SLC12A7: variants seen among roughly 807,000 people sequenced by gnomAD.
SLC12A7 encodes K-Cl cotransporter 4.
SLC12A7 carries 100 observed loss-of-function variants against 120.6 expected under a neutral mutation model. The observed-to-expected ratio is 0.83, with a 90% CI of 0.71 to 0.98. The LOEUF is 0.98. Ranked by LOEUF, SLC12A7 falls within the 50% of genes least tolerant of loss-of-function variation. SLC12A7 has a pLI of 0.00. For missense variants in SLC12A7, 1,373 were observed against 1,548.1 expected (o/e 0.89, Z 1.90); for synonymous variants, 760 against 678.0 (o/e 1.12, Z -1.88).
intron 10 of SLC12A7, 49 bp downstream of exon 10, chr5:1,079,349 T>C: frequency 1.4e-6 from 2 of 1,444,380 alleles, no homozygotes; most frequent in Non-Finnish European, 1.9e-6. Context: ...CATGGGGGCC[T>C]CCCCCCAGGC....
chr5:1,076,064 CG>C, intron 14 of SLC12A7, 73 bp downstream of exon 14: 1 of 1,247,540 alleles, frequency 8.0e-7, no homozygotes, highest in Non-Finnish European at 1.1e-6. Flanking sequence ...CTGTGCTGAG[CG>C]GCCTCACCAG....
chr5:1,094,370 C>T lies in SLC12A7; in HGVS notation c.125-122G>A, dbSNP rs1052021493. Reference sequence around the variant, plus strand: ...ACCAGCTGTCACCTCTAAACCATGGCTAAGGGTGATACTTCTCACACACTC... The same window carrying T: ...ACCAGCTGTCACCTCTAAACCATGGTTAAGGGTGATACTTCTCACACACTC... On this transcript the variant is annotated intron_variant, in intron 1 of 23. Transcript: ENST00000264930. 6.9e-6 allele frequency: 5 copies of T among 725,216 alleles called. No individual in the cohort carries two copies. In the African/African-American group the frequency reaches 8.7e-5, roughly 13 times the overall value. 44.9% of individuals were successfully genotyped at this position (725,216 alleles called of 1,614,324 possible). A position where few individuals can be genotyped will look rare whatever the true frequency, so the allele number is the denominator to read the frequency against.
chr5:1,137,776 GA>G, the SLC12A7 span, among the ~76,000 whole-genome samples: 1 of 152,256 alleles, frequency 6.6e-6, no homozygotes, highest in African/African-American at 2.4e-5. Context: ...TGCGTCATCA[GA>G]ACCCTTGGTC....
intron 17 of SLC12A7, among the ~76,000 whole-genome samples, chr5:1,069,123 C>T (rs921813970): frequency 2.0e-5 from 3 of 152,256 alleles, no homozygotes; most frequent in South Asian, 2.1e-4. Context: ...ATGACGCCGC[C>T]GTCAGGGAAA....
chr5:1,110,517 T>TA (rs746907325), intron 1 of SLC12A7, among the ~76,000 whole-genome samples: 2 of 152,190 alleles, frequency 1.3e-5, no homozygotes, highest in East Asian at 3.9e-4. Context: ...AAATGACACT[T>TA]ACAGTCTAAA....
intron 6 of SLC12A7, among the ~76,000 whole-genome samples, chr5:1,085,898 C>A (rs914474723): frequency 6.6e-6 from 1 of 152,260 alleles, no homozygotes; most frequent in Non-Finnish European, 1.5e-5. Context: ...CCCACCCCGG[C>A]TGGACGTCCT....
rs200781780 is a variant in SLC12A7, at chr5:1,079,530, T to C, written c.1298-34A>G. ...ATGGAAAATGCTGCAAAGACCCATC[T>C]GAGGAGTCAGTGCCATGTGATGGCA... On this transcript the variant is annotated intron_variant, in intron 9 of 23. Coordinates refer to ENST00000264930, the MANE Select transcript of SLC12A7 (RefSeq NM_006598.3). 1.5e-5 allele frequency: 24 copies of C among 1,559,118 alleles called. No individual in the cohort carries two copies. In the African/African-American group the frequency reaches 2.8e-4, roughly 18 times the overall value.
chr5:1,119,465 G>A, the SLC12A7 span, among the ~76,000 whole-genome samples: 23 of 152,346 alleles, frequency 1.5e-4, no homozygotes, highest in Non-Finnish European at 2.2e-4. Flanking sequence ...GTGACGCCGA[G>A]GTTACACAAG....
the SLC12A7 span, among the ~76,000 whole-genome samples, chr5:1,148,205 C>CTTTCTT: frequency 9.3e-6 from 1 of 107,638 alleles, no homozygotes; most frequent in South Asian, 3.2e-4. Flanking sequence ...TTCTTTCTTT[C>CTTTCTT]TTTTTTTTTT....
intron 11 of SLC12A7, chr5:1,078,450 T>TC: frequency 1.7e-6 from 1 of 588,618 alleles, no homozygotes; most frequent in East Asian, 2.8e-5. Flanking sequence ...CCCTGTGGCC[T>TC]CCCCAGGAAG....
chr5:1,142,080 G>A, the SLC12A7 span, among the ~76,000 whole-genome samples: 2 of 151,834 alleles, frequency 1.3e-5, no homozygotes, highest in African/African-American at 2.4e-5. Context: ...GTGGCGTCAG[G>A]GTGGCCACTC....
chr5:1,087,264 G>A (rs1357109927), intron 5 of SLC12A7, among the ~76,000 whole-genome samples: 5 of 152,126 alleles, frequency 3.3e-5, no homozygotes, highest in African/African-American at 1.2e-4. Context: ...TGGACATGAG[G>A]ACCAGGTGAG....
rs375919144 is a variant in SLC12A7 at position 1,052,344 on chromosome 5, G to A, written c.*16C>T. The A allele has an allele frequency of 6.2e-6, 10 of 1,607,262 alleles. No individual in the cohort carries two copies. The highest frequency in any genetic ancestry group is 2.7e-5 in the African/African-American group (2 of 74,778). ...TCCTCCGTGCCTGTCCCAGAGTGCC[G>A]TGATGCTGTTGGGCATTAGGAGTAG... On this transcript the variant is annotated 3_prime_UTR_variant, in exon 24 of 24. Coordinates refer to ENST00000264930, the MANE Select transcript of SLC12A7 (RefSeq NM_006598.3).
chr5:1,111,622 C>T (rs1743014844), intron 1 of SLC12A7, among the ~76,000 whole-genome samples: 1 of 152,202 alleles, frequency 6.6e-6, no homozygotes, highest in South Asian at 2.1e-4. Flanking sequence ...GCGGCGTCCA[C>T]ACCTCTGCCC....
chr5:1,091,106 G>A lies in SLC12A7; in HGVS notation c.343-1978C>T, dbSNP rs57559281. The stretch of plus-strand genomic sequence containing the variant: ...CTGGTCCCTCCACGACTGAAACGCA[G>A]GCAGCATCAGCCTGGGGTACCTGCA... On this transcript the variant is annotated intron_variant, in intron 3 of 23. Transcript: ENST00000264930. Among the ~76,000 whole-genome samples, 955 of 152,376 alleles carry A rather than the reference G, an allele frequency of 6.3e-3. 11 individuals are homozygous for A. The highest frequency in any genetic ancestry group is 0.022 in the African/African-American group (898 of 41,590).
chr5:1,089,643 A>G (rs914763438), intron 3 of SLC12A7, among the ~76,000 whole-genome samples: 1 of 151,588 alleles, frequency 6.6e-6, no homozygotes, highest in African/African-American at 2.4e-5. Flanking sequence ...TTAACCGGGC[A>G]CGGAGGTCAC....
In SLC12A7 at chr5:1,068,295, C is replaced by T. The variant is rs542068706; in HGVS notation, c.2242-2817G>A. Among the ~76,000 whole-genome samples the T allele has an allele frequency of 5.3e-5, 8 of 152,228 alleles. No homozygotes were observed. In the East Asian group the frequency reaches 5.8e-4, roughly 11 times the overall value. On this transcript the variant is annotated intron_variant, in intron 17 of 23. Coordinates refer to ENST00000264930, the MANE Select transcript of SLC12A7 (RefSeq NM_006598.3). ...ACTAAAAATACAAAAATGAGCCGGGCGTGGTGGTGGGCACCTGTAATCCCA... is the reference window on the plus strand; with the variant it reads ...ACTAAAAATACAAAAATGAGCCGGGTGTGGTGGTGGGCACCTGTAATCCCA...
rs574788298 is a variant in SLC12A7 at position 1,100,634 on chromosome 5, G to A, written c.125-6386C>T. 1.2e-4 allele frequency among the ~76,000 whole-genome samples: 18 copies of A among 152,338 alleles called. No homozygotes were observed. In the East Asian group the frequency reaches 1.7e-3, roughly 15 times the overall value. On this transcript the variant is annotated intron_variant, in intron 1 of 23. Coordinates refer to ENST00000264930, the MANE Select transcript of SLC12A7 (RefSeq NM_006598.3). ...AGACCGCGCCAAGTGCTGTTGACGC[G>A]TGTGCCCAGACGCCGCATGCAGGGA...
chr5:1,119,466 G>C, the SLC12A7 span, among the ~76,000 whole-genome samples: 2 of 152,228 alleles, frequency 1.3e-5, no homozygotes. Flanking sequence ...TGACGCCGAG[G>C]TTACACAAGC....
Sources: gnomAD v4.1 joint callset for allele counts (sites outside exome capture counted in the v4.1 genomes callset) on GRCh38, gnomAD v4.1.1 for gene constraint, MANE v1.5 for transcripts, NCBI Gene and HGNC (gene_info 2026-07-23, HGNC 2026-07-21) for gene names.